Variants in CDKL5 observed in about 807,000 individuals in gnomAD.
CDKL5 encodes the protein cyclin-dependent kinase-like 5.
CDKL5 carries 8 observed loss-of-function variants against 61.7 expected under a neutral mutation model. The ratio of observed to expected loss-of-function variants is 0.13; its 90% confidence interval spans 0.08 to 0.23. The LOEUF (loss-of-function observed/expected upper bound fraction) is 0.23. Ranked by LOEUF, CDKL5 falls within the 10% of genes least tolerant of loss-of-function variation. CDKL5 has a pLI of 1.00. For synonymous variants in CDKL5, 275 were observed against 272.3 expected, an observed-to-expected ratio of 1.01 and a Z score of -0.10; for missense variants, 440 against 734.5, an observed-to-expected ratio of 0.60 and a Z score of 4.63.
chrX:18,471,288 G>A (rs1297699286), intron 1 of CDKL5, among the ~76,000 whole-genome samples: 1 of 111,770 alleles, frequency 8.9e-6, no homozygotes, highest in Non-Finnish European at 1.9e-5. Flanking sequence ...GGTAAATGGA[G>A]TATTCATTAC....
rs776300077 is a variant in CDKL5, at chrX:18,652,365, T to C, written c.2981-1067T>C. On this transcript the variant is annotated intron_variant, in intron 21 of 21. Coordinates refer to the CDKL5 transcript ENST00000379989. ...CTAGAAGGCAACATAAATAGTGTTG[T>C]GAAAGAATTAAGGGGATCCAAGGCT... is the stretch of plus-strand genomic sequence containing the variant. Among the ~76,000 whole-genome samples, 11 of 112,166 alleles carry C rather than the reference T, an allele frequency of 9.8e-5. No homozygotes were observed. In the South Asian group the frequency reaches 3.7e-3, roughly 38 times the overall value.
chrX:18,596,448 A>G (rs944865186), intron 10 of CDKL5, among the ~76,000 whole-genome samples: 2 of 111,905 alleles, frequency 1.8e-5, no homozygotes, highest in African/African-American at 3.2e-5. Context: ...ATAAAGAGGC[A>G]TTTCTGTCTT....
intron 3 of CDKL5, among the ~76,000 whole-genome samples, chrX:18,544,057 C>G (rs767529558): frequency 8.9e-6 from 1 of 112,092 alleles, no homozygotes; most frequent in East Asian, 2.8e-4. Context: ...GGCTATGGTG[C>G]TTAGTAATCA....
chrX:18,609,616 C>CT (rs1926480499), intron 14 of CDKL5, 46 bp downstream of exon 14: 1 of 1,205,180 alleles, frequency 8.3e-7, no homozygotes, highest in East Asian at 3.0e-5. Flanking sequence ...TCCTCCCTCT[C>CT]TCACTTTATG....
At chrX:18,621,133 A>T (rs886634157) in intron 16 of CDKL5, among the ~76,000 whole-genome samples, 4 of 112,231 alleles carry the variant, frequency 3.6e-5, no homozygotes, top group Admixed American at 1.9e-4. Flanking sequence ...TGGCCTGTTC[A>T]GATGGACTTC....
At chrX:18,498,891 T>A (rs749445321) in intron 1 of CDKL5, among the ~76,000 whole-genome samples, 2 of 111,650 alleles carry the variant, frequency 1.8e-5, no homozygotes, top group African/African-American at 6.5e-5. Flanking sequence ...TGCCTCAGCC[T>A]CCTGAGTAGC....
At chrX:18,535,591 G>C (rs1923795650) in intron 3 of CDKL5, 1 of 116,167 alleles carries the variant, frequency 8.6e-6, no homozygotes, top group Non-Finnish European at 1.8e-5. Flanking sequence ...CCCGTGGTCT[G>C]TCTATGGATT....
chrX:18,464,936 T>C (rs1010250135), intron 1 of CDKL5, among the ~76,000 whole-genome samples: 49 of 112,307 alleles, frequency 4.4e-4, no homozygotes, highest in African/African-American at 1.6e-3. Context: ...TTTTGACAAA[T>C]AGAAGTTCTT....
Position 18,482,157 on chromosome X carries a change from C to CT in CDKL5, c.-162-24771dup, listed in dbSNP as rs747169246. Among the ~76,000 whole-genome samples, 125 of 111,510 alleles carry CT rather than the reference C, an allele frequency of 1.1e-3. No individual in the cohort carries two copies. The Admixed American group carries it at 0.012, about 11-fold the overall frequency. ...TGTAAATAGTTTCTTCTCTTTCCTT[C>CT]TTTTTTTGTATCCTTTGTACCAGTT... On this transcript the variant is annotated intron_variant, in intron 1 of 17. Coordinates refer to ENST00000623535, the MANE Select transcript of CDKL5 (RefSeq NM_001323289.2).
intron 8 of CDKL5, among the ~76,000 whole-genome samples, chrX:18,587,227 G>A (rs1925670107): frequency 9.0e-6 from 1 of 110,768 alleles, no homozygotes; most frequent in Non-Finnish European, 1.9e-5. Flanking sequence ...CTGTTTTGAG[G>A]ATACCTAGAT....
chrX:18,584,246 AC>A lies in CDKL5; in HGVS notation c.464-16del. The stretch of plus-strand genomic sequence containing the variant: ...TTCTTTTTCAAAGTTACAACTTTGG[AC>A]TTTGCTATCTTTCAGGTTTTGCTCG... On this transcript the variant is annotated splice_polypyrimidine_tract_variant and intron_variant, in intron 7 of 17. Transcript: ENST00000623535. 8.9e-7 allele frequency: 1 copy of A among 1,120,648 alleles called. No homozygotes were observed. The highest frequency in any genetic ancestry group is 1.2e-6 in the Non-Finnish European group (1 of 812,334). 92.4% of individuals were successfully genotyped at this position (1,120,648 alleles called of 1,213,427 possible). A position where few individuals can be genotyped will look rare whatever the true frequency, so the allele number is the denominator to read the frequency against.
downstream of CDKL5, chrX:18,644,661 C>T (rs1927709368): frequency 8.4e-7 from 1 of 1,186,300 alleles, no homozygotes; most frequent in East Asian, 3.0e-5. Flanking sequence ...AGAGACTCCC[C>T]CTGTGCATGT....
In CDKL5 at chrX:18,476,751, G is replaced by A. The variant is rs778824814; in HGVS notation, c.-162-30184G>A. Among the ~76,000 whole-genome samples the A allele has an allele frequency of 7.2e-5, 8 of 111,638 alleles. No homozygotes were observed. The East Asian group carries it at 2.2e-3, about 31-fold the overall frequency. ...TATAGCTGAATGTAAAATACGCCTC[G>A]CATAGACAACATATAGTTGAATCTT... On this transcript the variant is annotated intron_variant, in intron 1 of 17. Transcript: ENST00000623535.
chrX:18,605,063 C>T (rs1341903963), intron 12 of CDKL5, among the ~76,000 whole-genome samples, 195 bp downstream of exon 12: 7 of 109,883 alleles, frequency 6.4e-5, no homozygotes, highest in Admixed American at 9.7e-5. Flanking sequence ...TTAGATCAAC[C>T]GTTGAGTACT....
At chrX:18,468,458 C>T in intron 1 of CDKL5, among the ~76,000 whole-genome samples, 1 of 112,058 alleles carries the variant, frequency 8.9e-6, no homozygotes, top group East Asian at 2.8e-4. Flanking sequence ...TGAAGAAATC[C>T]TTCCCACTGG....
At chrX:18,558,294 A>T (rs1403879970) in intron 3 of CDKL5, among the ~76,000 whole-genome samples, 1 of 112,050 alleles carries the variant, frequency 8.9e-6, no homozygotes, top group Non-Finnish European at 1.9e-5. Context: ...TATCTTGCTA[A>T]CTACAGCTGG....
chrX:18,479,265 T>C lies in CDKL5; in HGVS notation c.-162-27670T>C, dbSNP rs56101608. On this transcript the variant is annotated intron_variant, in intron 1 of 17. Coordinates refer to ENST00000623535, the MANE Select transcript of CDKL5 (RefSeq NM_001323289.2). ...TGGAGTTTGTTGAGTTTCTTGGATA[T>C]GTAGTTAAATGTTTTTCATCACATT... Among the ~76,000 whole-genome samples the C allele has an allele frequency of 4.1e-3, 451 of 110,416 alleles. 4 individuals are homozygous for C. Among genetic ancestry groups the C allele is most frequent in the Non-Finnish European group, 6.7e-3 (354 of 52,782 alleles).
In CDKL5 at chrX:18,588,002, T is replaced by C. The variant is rs763478005; in HGVS notation, c.603T>C (p.Leu201=). 10 of 1,209,229 alleles carry C rather than the reference T, an allele frequency of 8.3e-6. No individual in the cohort carries two copies. The African/African-American group carries it at 1.7e-4, about 21-fold the overall frequency. The change falls in exon 9 of 18, where the codon CTT becomes CTC. Residue 201 remains leucine, a synonymous_variant. Coordinates refer to ENST00000623535, the MANE Select transcript of CDKL5 (RefSeq NM_001323289.2). ...ACATGTGGTCGGTGGGCTGTATTCT[T>C]GGGGAGCTTAGCGATGGACAGCCTT... ...SVDMWSVGCI[L]GELSDGQPLF...
intron 20 of CDKL5, chrX:18,650,092 C>T (rs1464654614): frequency 3.0e-6 from 1 of 338,313 alleles, no homozygotes; most frequent in Non-Finnish European, 5.3e-6. Flanking sequence ...TGCTCTTCTT[C>T]ATCTGTTTCC....
Sources: allele counts gnomAD v4.1 joint callset (sites outside exome capture counted in the v4.1 genomes callset), GRCh38; gene constraint gnomAD v4.1.1; transcripts MANE v1.5; gene names NCBI Gene and HGNC (gene_info 2026-07-23, HGNC 2026-07-21).